Variants in KYAT1 observed in about 807,000 individuals in gnomAD.
KYAT1 encodes kynurenine--oxoglutarate transaminase 1.
KYAT1 carries 47 observed loss-of-function variants against 52.4 expected under a neutral mutation model. That is an observed-to-expected ratio of 0.90 (90% confidence interval 0.71 to 1.14). The LOEUF is 1.14. KYAT1 is among the 50% of genes most tolerant of loss of function. The pLI, the probability that KYAT1 is intolerant of heterozygous loss-of-function variation, is 0.00. For synonymous variants in KYAT1, 212 were observed against 209.6 expected, an observed-to-expected ratio of 1.01 and a Z score of -0.10; for missense variants, 480 against 557.9, an observed-to-expected ratio of 0.86 and a Z score of 1.41.
intron 1 of KYAT1, among the ~76,000 whole-genome samples, chr9:128,859,299 T>C (rs1018365948): frequency 5.3e-5 from 8 of 151,446 alleles, no homozygotes; most frequent in Non-Finnish European, 1.2e-4. Context: ...AGGCTGAACC[T>C]GCAGTGAGCT....
chr9:128,860,717 C>T (rs528158783), intron 1 of KYAT1, among the ~76,000 whole-genome samples: 6 of 152,160 alleles, frequency 3.9e-5, no homozygotes, highest in Non-Finnish European at 8.8e-5. Context: ...CGCATTCCAC[C>T]ATGCCTGGCT....
At chr9:128,838,936 T>TTTATTTA (rs1831630892) in intron 3 of KYAT1, among the ~76,000 whole-genome samples, 8 of 143,546 alleles carry the variant, frequency 5.6e-5, no homozygotes, top group South Asian at 4.6e-4. Context: ...CGGGAGAGGC[T>TTTATTTA]TTTATTTATT....
chr9:128,856,146 G>A (rs944113119), intron 1 of KYAT1, among the ~76,000 whole-genome samples: 1 of 152,164 alleles, frequency 6.6e-6, no homozygotes, highest in African/African-American at 2.4e-5. Flanking sequence ...ACAAGGAAGA[G>A]AAGATAACCT....
chr9:128,842,666 G>GT lies in KYAT1; in HGVS notation c.188dup (p.Tyr63Ter). The GT allele has an allele frequency of 6.2e-7, 1 of 1,613,988 alleles. No homozygotes were observed. The highest frequency in any genetic ancestry group is 1.7e-4 in the Middle Eastern group (1 of 6,060). ...TGGGGAGACTCACAAATGTCTTGGTGTACTGGTTAAGCATGAAGTCTCCAC... is the reference window on the plus strand; with the variant it reads ...TGGGGAGACTCACAAATGTCTTGGTGTTACTGGTTAAGCATGAAGTCTCCAC... ...AVSGDFMLNQYTKTFGYPPLT... is the reference protein window; with the variant it reads ...AVSGDFMLNQ Residue 63 changes from tyrosine to a stop codon, truncating the protein, a stop_gained and frameshift_variant, in exon 3 of 13, where the codon TAC (tyrosine) becomes TAAC (stop). Transcript: ENST00000302586. LOFTEE classifies it high-confidence loss of function.
intron 1 of KYAT1, among the ~76,000 whole-genome samples, chr9:128,874,033 A>G (rs2130818088): frequency 6.6e-6 from 1 of 151,568 alleles, no homozygotes; most frequent in Non-Finnish European, 1.5e-5. Context: ...AGGCGGGTGG[A>G]TCACCTGAGG....
At chr9:128,864,309 T>G (rs995810096) in intron 1 of KYAT1, among the ~76,000 whole-genome samples, 1 of 138,104 alleles carries the variant, frequency 7.2e-6, no homozygotes, top group African/African-American at 2.7e-5. Context: ...AAGATTGTAG[T>G]GAGCCGAGAT....
chr9:128,880,699 C>T (rs1688154280), intron 1 of KYAT1, among the ~76,000 whole-genome samples: 1 of 152,120 alleles, frequency 6.6e-6, no homozygotes, highest in African/African-American at 2.4e-5. Context: ...GCCTCAGCCT[C>T]CCAAAGTGCT....
chr9:128,839,086 C>T (rs914699565), intron 3 of KYAT1, among the ~76,000 whole-genome samples: 1 of 151,984 alleles, frequency 6.6e-6, no homozygotes, highest in African/African-American at 2.4e-5. Context: ...GCCTCAGCCT[C>T]CCAAGTAGCT....
chr9:128,867,045 A>G (rs948950884), intron 1 of KYAT1, among the ~76,000 whole-genome samples: 1 of 152,194 alleles, frequency 6.6e-6, no homozygotes, highest in Non-Finnish European at 1.5e-5. Context: ...CTGATCCTAC[A>G]ATGTACTAAA....
At chr9:128,867,732 T>C (rs114343727) in intron 1 of KYAT1, among the ~76,000 whole-genome samples, 3,722 of 152,306 alleles carry the variant, frequency 0.024, 157 homozygotes, top group African/African-American at 0.085. Context: ...ATTCAGGTTA[T>C]GTGAAAAATG....
chr9:128,845,951 A>C (rs1367037684), intron 1 of KYAT1, among the ~76,000 whole-genome samples: 1 of 152,180 alleles, frequency 6.6e-6, no homozygotes, highest in Non-Finnish European at 1.5e-5. Context: ...AGGGGGAGTG[A>C]TGTGTTTAAG....
chr9:128,854,284 A>AT (rs1377060554), intron 1 of KYAT1, among the ~76,000 whole-genome samples: 1 of 152,184 alleles, frequency 6.6e-6, no homozygotes, highest in East Asian at 1.9e-4. Flanking sequence ...TATACTTTAA[A>AT]TTTTTTTAAC....
At chr9:128,851,103 T>C (rs1186028401) in intron 1 of KYAT1, among the ~76,000 whole-genome samples, 2 of 152,174 alleles carry the variant, frequency 1.3e-5, no homozygotes, top group African/African-American at 4.8e-5. Flanking sequence ...TGCAGGTCCT[T>C]GATATGCTGC....
chr9:128,856,643 G>A (rs1834644194), intron 1 of KYAT1, among the ~76,000 whole-genome samples: 1 of 152,228 alleles, frequency 6.6e-6, no homozygotes, highest in Non-Finnish European at 1.5e-5. Flanking sequence ...CAAGGTTTAA[G>A]GGATCTAGGG....
At chr9:128,855,427 T>C (rs1834469123) in intron 1 of KYAT1, among the ~76,000 whole-genome samples, 1 of 152,270 alleles carries the variant, frequency 6.6e-6, no homozygotes, top group Non-Finnish European at 1.5e-5. Context: ...GAAAGCTTAC[T>C]GTGGCCTCGC....
chr9:128,857,653 A>G (rs1298119036), intron 1 of KYAT1, among the ~76,000 whole-genome samples: 3 of 152,120 alleles, frequency 2.0e-5, no homozygotes, highest in African/African-American at 4.8e-5. Context: ...TGGCTAACAC[A>G]GTGAAACCCC....
intron 1 of KYAT1, among the ~76,000 whole-genome samples, chr9:128,877,518 C>T (rs934577630): frequency 6.6e-6 from 1 of 152,236 alleles, no homozygotes; most frequent in Non-Finnish European, 1.5e-5. Flanking sequence ...CCCTGGTTTG[C>T]CTATTTCCAA....
chr9:128,846,186 T>C (rs1833065851), intron 1 of KYAT1, among the ~76,000 whole-genome samples: 1 of 152,162 alleles, frequency 6.6e-6, no homozygotes, highest in Non-Finnish European at 1.5e-5. Context: ...CCCAGCACTT[T>C]GGGAGGCTGA....
chr9:128,845,234 G>A, intron 2 of KYAT1, 119 bp downstream of exon 2: 1 of 745,430 alleles, frequency 1.3e-6, no homozygotes, highest in Admixed American at 2.3e-5. Flanking sequence ...GCTATGGCTG[G>A]AATCTGGCAG....
Sources: allele counts gnomAD v4.1 joint callset (sites outside exome capture counted in the v4.1 genomes callset), GRCh38; gene constraint gnomAD v4.1.1; transcripts MANE v1.5; gene names NCBI Gene and HGNC (gene_info 2026-07-23, HGNC 2026-07-21).